Variants in SI observed in about 807,000 individuals in gnomAD.
The protein encoded by SI is sucrase-isomaltase.
A neutral mutation model predicts 253.3 loss-of-function variants in SI; 235 were observed. The ratio of observed to expected loss-of-function variants is 0.93; its 90% CI spans 0.83 to 1.03. The LOEUF is 1.03. Among genes scored for constraint, SI ranks in the 50% least tolerant of loss-of-function variants. The probability of loss-of-function intolerance (pLI) is 0.00; values close to 1 mark genes in which losing one functional copy is unlikely to be tolerated. For missense variants in SI, 2,442 were observed against 2,211.1 expected, an observed-to-expected ratio of 1.10 and a Z score of -2.09; for synonymous variants, 819 against 712.0, an observed-to-expected ratio of 1.15 and a Z score of -2.39.
intron 22 of SI, among the ~76,000 whole-genome samples, chr3:165,035,186 C>T (rs897778654): frequency 6.6e-6 from 1 of 151,804 alleles, no homozygotes; most frequent in African/African-American, 2.4e-5. Flanking sequence ...TAGAGAAGTA[C>T]ATAGAAGACT....
chr3:164,981,887 AT>A (rs1717205407), intron 47 of SI, among the ~76,000 whole-genome samples: 2 of 152,140 alleles, frequency 1.3e-5, no homozygotes, highest in Non-Finnish European at 2.9e-5. Flanking sequence ...GTTTGCAAGA[AT>A]TTTCAAATAC....
intron 25 of SI, among the ~76,000 whole-genome samples, chr3:165,025,719 T>A (rs1198027888): frequency 6.6e-6 from 1 of 151,370 alleles, no homozygotes; most frequent in Non-Finnish European, 1.5e-5. Flanking sequence ...CAGCCAAGAC[T>A]TTTGTATCCA....
At chr3:164,995,664 G>T (rs911455659) in intron 40 of SI, among the ~76,000 whole-genome samples, 8 of 151,576 alleles carry the variant, frequency 5.3e-5, no homozygotes, top group African/African-American at 1.4e-4. Flanking sequence ...GTTTATATTG[G>T]TTACTGTTCC....
chr3:165,040,560 A>G (rs1169822841), intron 18 of SI, among the ~76,000 whole-genome samples: 1 of 152,060 alleles, frequency 6.6e-6, no homozygotes, highest in Non-Finnish European at 1.5e-5. Context: ...GGTCAAAGAT[A>G]CATGCAAAGA....
At chr3:165,075,860 C>T (rs73880014) in intron 2 of SI, 35 bp downstream of exon 2, 15 of 1,250,138 alleles carry the variant, frequency 1.2e-5, no homozygotes, top group East Asian at 2.3e-5. Context: ...CCTAACTTCA[C>T]GATAATGTAG....
intron 24 of SI, 98 bp from the exon 25 acceptor site, chr3:165,030,965 AC>A (rs1394217392): frequency 7.4e-5 from 106 of 1,431,828 alleles, no homozygotes; most frequent in East Asian, 1.0e-4. Flanking sequence ...ATTTAAAAAA[AC>A]ATTTTACATT....
At chr3:165,088,329 A>G in the SI span, among the ~76,000 whole-genome samples, 2 of 128,854 alleles carry the variant, frequency 1.6e-5, no homozygotes, top group Non-Finnish European at 3.4e-5. Context: ...CTGGGCAACA[A>G]GAGAGAAACT....
chr3:164,997,852 G>A (rs747683335), intron 38 of SI, among the ~76,000 whole-genome samples: 2 of 151,820 alleles, frequency 1.3e-5, no homozygotes, highest in Non-Finnish European at 2.9e-5. Context: ...ATTCCATGGT[G>A]TATATGTACC....
chr3:165,034,047 T>A (rs1321947207), intron 22 of SI, among the ~76,000 whole-genome samples: 1 of 151,650 alleles, frequency 6.6e-6, no homozygotes, highest in African/African-American at 2.4e-5. Flanking sequence ...ACTGAAATAG[T>A]TTGTCATAAA....
chr3:164,992,530 T>G lies in SI; in HGVS notation c.4842-133A>C, dbSNP rs562452173. The G allele has an allele frequency of 6.1e-6, 4 of 653,992 alleles. No individual in the cohort carries two copies. In the African/African-American group the frequency reaches 7.3e-5, roughly 12 times the overall value. The allele number at this position is 653,992 out of a possible 1,614,324, so 40.5% of individuals were successfully genotyped here. ...AAATAAAAACAAAACTGTAAAAAAA[T>G]TAAAAAATATATCAGTTGGAATGTA... On this transcript the variant is annotated intron_variant, in intron 41 of 47. Transcript: ENST00000264382.
At chr3:165,016,920 T>A (rs1719063278) in intron 31 of SI, among the ~76,000 whole-genome samples, 1 of 151,958 alleles carries the variant, frequency 6.6e-6, no homozygotes, top group Admixed American at 6.6e-5. Flanking sequence ...TACCAATGTC[T>A]TATAATGAGG....
chr3:164,991,258 C>G (rs988697337), intron 44 of SI, 95 bp downstream of exon 44: 41 of 1,391,386 alleles, frequency 2.9e-5, no homozygotes, highest in African/African-American at 4.3e-5. Flanking sequence ...ACTAGCTTGG[C>G]GATGGGTTAA....
upstream of SI, among the ~76,000 whole-genome samples, chr3:165,080,066 G>T (rs1194369364): frequency 6.6e-6 from 1 of 151,848 alleles, no homozygotes; most frequent in Non-Finnish European, 1.5e-5. Flanking sequence ...CCCCAAACTG[G>T]AAACAACAAA....
At chr3:165,029,025 T>A (rs958370983) in intron 25 of SI, among the ~76,000 whole-genome samples, 2 of 151,348 alleles carry the variant, frequency 1.3e-5, no homozygotes, top group African/African-American at 4.8e-5. Flanking sequence ...CATCTATACA[T>A]CTGACAAAGA....
chr3:165,010,006 C>CA (rs1326517971), intron 34 of SI, among the ~76,000 whole-genome samples: 1 of 151,936 alleles, frequency 6.6e-6, no homozygotes, highest in Non-Finnish European at 1.5e-5. Flanking sequence ...GGGTATGTCT[C>CA]AAAAAAATGA....
chr3:164,991,763 A>G (rs1363167019), intron 43 of SI, among the ~76,000 whole-genome samples: 2 of 152,208 alleles, frequency 1.3e-5, no homozygotes, highest in South Asian at 2.1e-4. Flanking sequence ...ATAGCTTTGA[A>G]AATCATTTAT....
chr3:165,020,389 C>T lies in SI; in HGVS notation c.3255-619G>A, dbSNP rs182714035. ...AAGTAACATGGGCAAGGAGAGGAAG[C>T]GTAAGTATTACAAGTAATCTGGGCA... is the stretch of plus-strand genomic sequence containing the variant. On this transcript the variant is annotated intron_variant, in intron 27 of 47. Transcript: ENST00000264382. 4.4e-3 allele frequency among the ~76,000 whole-genome samples: 662 copies of T among 151,640 alleles called. 6 individuals are homozygous for T. The highest frequency in any genetic ancestry group is 0.015 in the African/African-American group (629 of 41,426).
chr3:164,991,494 T>A lies in SI; in HGVS notation c.4984-17A>T. 1 of 1,613,116 alleles carries A rather than the reference T, an allele frequency of 6.2e-7. No homozygotes were observed. The highest frequency in any genetic ancestry group is 8.5e-7 in the Non-Finnish European group (1 of 1,179,368). Reference sequence around the variant, plus strand: ...ATCTTTGCCCTGGAAATGAAAGGGATGGAAAGAACAGGTGGAGCAAGAAAT... The same window carrying A: ...ATCTTTGCCCTGGAAATGAAAGGGAAGGAAAGAACAGGTGGAGCAAGAAAT... On this transcript the variant is annotated splice_polypyrimidine_tract_variant and intron_variant, in intron 43 of 47. Transcript: ENST00000264382.
At chr3:165,021,095 C>A in intron 27 of SI, 134 bp downstream of exon 27, 2 of 725,432 alleles carry the variant, frequency 2.8e-6, no homozygotes, top group South Asian at 1.7e-5. Flanking sequence ...TTAAAATGGG[C>A]AAAGTTATTT....
Sources: gnomAD v4.1 joint callset for allele counts (sites outside exome capture counted in the v4.1 genomes callset) on GRCh38, gnomAD v4.1.1 for gene constraint, MANE v1.5 for transcripts, NCBI Gene and HGNC (gene_info 2026-07-23, HGNC 2026-07-21) for gene names.